Variants in NPAT observed in about 807,000 individuals in gnomAD.
NPAT encodes the protein protein NPAT.
NPAT carries 52 observed loss-of-function variants against 130.7 expected under a neutral mutation model. The observed-to-expected ratio is 0.40, with a 90% CI of 0.32 to 0.50. The LOEUF is 0.50. NPAT is among the 20% of genes least tolerant of loss of function. NPAT has a pLI of 0.68. For missense variants in NPAT, 1,687 were observed against 1,662.6 expected (o/e 1.01, Z -0.26); for synonymous variants, 580 against 584.8 (o/e 0.99, Z 0.12).
Position 108,161,471 on chromosome 11 carries a change from T to C in NPAT, c.3615A>G (p.Gln1205=), listed in dbSNP as rs753391961. ...LRSEKSIASL[Q]EMTKKQGTSS... ...ATGTGCCTTGTTTTTTGGTCATTTC[T>C]TGCAGTGAAGCTATAGATTTCTCAC... The change falls in exon 17 of 18, where the codon CAA becomes CAG. Residue 1205 remains glutamine (Q), a synonymous_variant. Coordinates refer to ENST00000278612, the MANE Select transcript of NPAT (RefSeq NM_002519.3). 3 of 1,614,260 alleles carry C rather than the reference T, an allele frequency of 1.9e-6. No homozygotes were observed. Among genetic ancestry groups the C allele is most frequent in the Non-Finnish European group, 2.5e-6 (3 of 1,180,048 alleles).
At chr11:108,182,010 G>T (rs576696952) in intron 10 of NPAT, among the ~76,000 whole-genome samples, 150 of 152,242 alleles carry the variant, frequency 9.9e-4, no homozygotes, top group African/African-American at 3.3e-3. Flanking sequence ...GTTTGTCCAG[G>T]ATATGCAGGT....
chr11:108,165,129 G>C (rs2077889156), intron 15 of NPAT, among the ~76,000 whole-genome samples: 1 of 152,142 alleles, frequency 6.6e-6, no homozygotes, highest in Non-Finnish European at 1.5e-5. Flanking sequence ...TGTAGGGAGA[G>C]AAGTCTGAGA....
In NPAT at chr11:108,172,711, C is replaced by T. The variant is rs757369349; in HGVS notation, c.2273G>A (p.Ser758Asn). The stretch of plus-strand genomic sequence containing the variant: ...TTCTCCATTAATACTAGAAACAGCA[C>T]TGGTAAGTTCAGTATCTGAGGAAAC... ...PFVSSDTELT[S>N]AVSSINGENL... is the part of the protein sequence containing the mutation. Residue 758 changes from serine to asparagine, a missense_variant, in exon 13 of 18, where the codon AGT becomes AAT. By Grantham distance (46) the Ser-to-Asn change is conservative. This residue lies in a region of NPAT where 1,379 missense variants were observed against 1,346.6 expected (regional missense o/e 1.02). Coordinates refer to ENST00000278612, the MANE Select transcript of NPAT (RefSeq NM_002519.3). 1 of 1,613,652 alleles carries T rather than the reference C, an allele frequency of 6.2e-7. No individual in the cohort carries two copies.
intron 12 of NPAT, among the ~76,000 whole-genome samples, 171 bp from the exon 13 acceptor site, chr11:108,174,022 G>GT (rs2077981505): frequency 6.6e-6 from 1 of 152,094 alleles, no homozygotes; most frequent in Non-Finnish European, 1.5e-5. Flanking sequence ...AAATTTACAG[G>GT]TACTTTCTAG....
intron 1 of NPAT, among the ~76,000 whole-genome samples, chr11:108,198,519 G>T (rs1369467638): frequency 6.6e-6 from 1 of 151,890 alleles, no homozygotes; most frequent in African/African-American, 2.4e-5. Flanking sequence ...AGACGGGTAG[G>T]GTACCCGGTG....
Position 108,162,016 on chromosome 11 carries a change from T to TAAAAC in NPAT, c.3072-7_3072-3dup, listed in dbSNP as rs768405208. 2.7e-4 allele frequency: 428 copies of TAAAAC among 1,610,868 alleles called. No individual in the cohort carries two copies. Among genetic ancestry groups the TAAAAC allele is most frequent in the Admixed American group, 3.5e-4 (21 of 59,236 alleles). On this transcript the variant is annotated splice_polypyrimidine_tract_variant and splice_region_variant and intron_variant, in intron 16 of 17. Transcript: ENST00000278612. ...ATACTTTTGTCAGAAACTTCAGTTC[T>TAAAAC]AAAACAAAACAAAACAAAACTATTT...
At chr11:108,184,835 T>C (rs1162609116) in intron 10 of NPAT, among the ~76,000 whole-genome samples, 1 of 152,220 alleles carries the variant, frequency 6.6e-6, no homozygotes, top group African/African-American at 2.4e-5. Context: ...CCTGGCCCCA[T>C]TACATATCTT....
At chr11:108,190,834 G>T (rs960850992) in intron 4 of NPAT, among the ~76,000 whole-genome samples, 3 of 152,162 alleles carry the variant, frequency 2.0e-5, no homozygotes, top group African/African-American at 7.2e-5. Context: ...GCACCCTGGG[G>T]GGCTGAGGTG....
intron 1 of NPAT, among the ~76,000 whole-genome samples, chr11:108,216,966 C>T (rs1250934193): frequency 1.3e-5 from 2 of 152,080 alleles, no homozygotes; most frequent in African/African-American, 4.8e-5. Flanking sequence ...AGCAAGTCCT[C>T]GAATACCATC....
At chr11:108,207,703 C>T (rs993382767) in intron 1 of NPAT, among the ~76,000 whole-genome samples, 6 of 152,232 alleles carry the variant, frequency 3.9e-5, no homozygotes, top group African/African-American at 1.2e-4. Flanking sequence ...TAGGCGCTTC[C>T]AAGCCTGCAG....
intron 10 of NPAT, among the ~76,000 whole-genome samples, chr11:108,183,909 G>C (rs1565316075): frequency 2.0e-5 from 3 of 151,924 alleles, no homozygotes; most frequent in Admixed American, 2.0e-4. Flanking sequence ...GGGAGATCAA[G>C]GCTGCTGTGA....
chr11:108,203,228 A>G (rs896526980), intron 1 of NPAT, among the ~76,000 whole-genome samples: 3 of 152,160 alleles, frequency 2.0e-5, no homozygotes, highest in African/African-American at 7.2e-5. Context: ...TAGACCAAGA[A>G]ACCTCTGATT....
intron 10 of NPAT, among the ~76,000 whole-genome samples, chr11:108,179,176 G>A (rs181727318): frequency 3.3e-5 from 5 of 152,152 alleles, no homozygotes; most frequent in African/African-American, 7.2e-5. Flanking sequence ...ACTTACATGC[G>A]AAATAATGAA....
At position 108,159,059 on chromosome 11, in the gene NPAT, G is replaced by T. The variant is rs770243935; in HGVS notation, c.4207-40C>A. On this transcript the variant is annotated intron_variant, in intron 17 of 17. Transcript: ENST00000278612. ...AAAGAAAAAATAAACTCAAAACAAG[G>T]CCAAAATGCTTTCTTAGTAAGTCAC... is the stretch of plus-strand genomic sequence containing the variant. 105 of 1,335,652 alleles carry T rather than the reference G, an allele frequency of 7.9e-5. 2 individuals are homozygous for T. Among genetic ancestry groups the T allele is most frequent in the Non-Finnish European group, 1.1e-4 (104 of 941,092 alleles). 82.7% of individuals were successfully genotyped at this position (1,335,652 alleles called of 1,614,324 possible).
At position 108,158,642 on chromosome 11, in the gene NPAT, C is replaced by A; in HGVS notation, c.*300G>T. On this transcript the variant is annotated 3_prime_UTR_variant, in exon 18 of 18. Transcript: ENST00000278612. Reference sequence around the variant, plus strand: ...TGTAAGAACATTAGGTTGATTTAACCTCTATTTCAACAAGATTTACACAGT... The same window carrying A: ...TGTAAGAACATTAGGTTGATTTAACATCTATTTCAACAAGATTTACACAGT... 3.8e-6 allele frequency: 1 copy of A among 260,432 alleles called. No individual in the cohort carries two copies. Among genetic ancestry groups the A allele is most frequent in the South Asian group, 5.0e-5 (1 of 20,164 alleles). 16.1% of individuals were successfully genotyped at this position (260,432 alleles called of 1,614,324 possible).
Position 108,216,809 on chromosome 11 carries a change from TCTG to T in NPAT, c.37+5688_37+5690del, listed in dbSNP as rs367796503. Among the ~76,000 whole-genome samples the T allele has an allele frequency of 3.1e-3, 473 of 152,332 alleles. 1 individual carries two copies. Among genetic ancestry groups the T allele is most frequent in the African/African-American group, 0.011 (457 of 41,578 alleles). ...TAGTAATATCTAGGATACATTATCT[TCTG>T]CTCTTAACAACATGCCCCAACTTTG... On this transcript the variant is annotated intron_variant, in intron 1 of 17. Coordinates refer to ENST00000278612, the MANE Select transcript of NPAT (RefSeq NM_002519.3).
At chr11:108,210,035 C>CTTT (rs1264833144) in intron 1 of NPAT, among the ~76,000 whole-genome samples, 1 of 150,386 alleles carries the variant, frequency 6.6e-6, no homozygotes, top group Non-Finnish European at 1.5e-5. Context: ...AGCTAGTTCT[C>CTTT]TGAAAACGTC....
At chr11:108,189,667 G>A (rs1009771087) in intron 5 of NPAT, among the ~76,000 whole-genome samples, 11 of 151,584 alleles carry the variant, frequency 7.3e-5, no homozygotes, top group African/African-American at 2.4e-4. Context: ...TCAGGAGATC[G>A]AGACCATCCT....
chr11:108,166,160 G>A lies in NPAT; in HGVS notation c.3010+3584C>T, dbSNP rs559240824. Among the ~76,000 whole-genome samples the A allele has an allele frequency of 1.3e-3, 197 of 151,918 alleles. 1 individual carries two copies. The highest frequency in any genetic ancestry group is 2.3e-3 in the Non-Finnish European group (159 of 67,946). The stretch of plus-strand genomic sequence containing the variant: ...TGTAATCCCAGCACTTTGGGAGGCC[G>A]AGGTGGGGGGATTAAGAGGTCAGGA... On this transcript the variant is annotated intron_variant, in intron 15 of 17. Coordinates refer to ENST00000278612, the MANE Select transcript of NPAT (RefSeq NM_002519.3).
Sources: gnomAD v4.1 joint callset for allele counts (sites outside exome capture counted in the v4.1 genomes callset) on GRCh38, gnomAD v4.1.1 for gene constraint, gnomAD v4.1.1 regional missense constraint, MANE v1.5 for transcripts, NCBI Gene and HGNC (gene_info 2026-07-23, HGNC 2026-07-21) for gene names.